Variants in GIGYF2 observed in about 807,000 individuals in gnomAD.
The protein encoded by GIGYF2 is GRB10 interacting GYF protein 2.
A neutral mutation model predicts 208.1 loss-of-function variants in GIGYF2; 25 were observed. The ratio of observed to expected loss-of-function variants is 0.12; its 90% CI spans 0.09 to 0.17. The LOEUF (loss-of-function observed/expected upper bound fraction) is 0.17, where lower values mean the gene tolerates loss of function less well. Ranked by LOEUF, GIGYF2 falls within the 10% of genes least tolerant of loss-of-function variation. The probability of loss-of-function intolerance (pLI) is 1.00; values close to 1 mark genes in which losing one functional copy is unlikely to be tolerated. For missense variants in GIGYF2, 1,302 were observed against 1,579.4 expected, an observed-to-expected ratio of 0.82 and a Z score of 2.98; for synonymous variants, 534 against 543.8, an observed-to-expected ratio of 0.98 and a Z score of 0.25.
intron 3 of GIGYF2, among the ~76,000 whole-genome samples, chr2:232,743,624 C>T (rs962841295): frequency 1.3e-5 from 2 of 152,126 alleles, no homozygotes; most frequent in African/African-American, 4.8e-5. Flanking sequence ...CATGAGTTCT[C>T]AGGTGGATTT....
chr2:232,753,802 C>G (rs1425634268), intron 5 of GIGYF2, among the ~76,000 whole-genome samples: 5 of 152,108 alleles, frequency 3.3e-5, no homozygotes, highest in Admixed American at 2.0e-4. Flanking sequence ...TACAAGTATG[C>G]TCCATGTCTC....
chr2:232,818,332 G>A (rs1700975980), intron 20 of GIGYF2, among the ~76,000 whole-genome samples: 1 of 152,132 alleles, frequency 6.6e-6, no homozygotes. Context: ...CCACAATATA[G>A]CTGAGCAGAA....
chr2:232,846,724 T>C (rs995890044), intron 26 of GIGYF2, among the ~76,000 whole-genome samples: 1 of 152,258 alleles, frequency 6.6e-6, no homozygotes, highest in South Asian at 2.1e-4. Flanking sequence ...GTTATTTGAT[T>C]AGCAGTGATT....
chr2:232,737,862 T>G (rs1376443989), intron 3 of GIGYF2, among the ~76,000 whole-genome samples: 1 of 151,872 alleles, frequency 6.6e-6, no homozygotes, highest in African/African-American at 2.4e-5. Context: ...GGGAGAAAAT[T>G]GAAAATTTTG....
At chr2:232,783,578 T>C (rs1699791187) in intron 8 of GIGYF2, among the ~76,000 whole-genome samples, 1 of 152,218 alleles carries the variant, frequency 6.6e-6, no homozygotes, top group South Asian at 2.1e-4. Flanking sequence ...TTTTGAACAA[T>C]ACTTGTTCAG....
chr2:232,779,717 T>C (rs1262246038), intron 8 of GIGYF2, among the ~76,000 whole-genome samples: 2 of 152,226 alleles, frequency 1.3e-5, no homozygotes, highest in East Asian at 3.8e-4. Context: ...GAGATTCTGA[T>C]ACACTGCAGT....
chr2:232,762,226 CTTT>C lies in GIGYF2; in HGVS notation c.532+799_532+801del, dbSNP rs536168638. Among the ~76,000 whole-genome samples the C allele has an allele frequency of 6.5e-5, 6 of 92,888 alleles. No individual in the cohort carries two copies. In the East Asian group the frequency reaches 1.9e-3, roughly 29 times the overall value. 60.9% of individuals were successfully genotyped at this position (92,888 alleles called of 152,430 possible). Reference sequence around the variant, plus strand: ...TTATAACTGATAGTGTTAATCATGTCTTTTTTTTTTTGTTTTTTTTTTTGTTTT... The same window carrying C: ...TTATAACTGATAGTGTTAATCATGTCTTTTTTTTGTTTTTTTTTTTGTTTT... On this transcript the variant is annotated intron_variant, in intron 8 of 28. Transcript: ENST00000373563.
Position 232,844,362 on chromosome 2 carries a change from T to G in GIGYF2, c.3100-7T>G, listed in dbSNP as rs1355713647. On this transcript the variant is annotated splice_polypyrimidine_tract_variant and splice_region_variant and intron_variant, in intron 24 of 28. Transcript: ENST00000373563. ...ACGATAATCATTTTTCTCTTTTTCT[T>G]TAACAGCATTCCAACCTGCACACCA... 6.2e-7 allele frequency: 1 copy of G among 1,613,494 alleles called. No homozygotes were observed. Among genetic ancestry groups the G allele is most frequent in the Admixed American group, 1.7e-5 (1 of 60,032 alleles).
At chr2:232,765,253 C>T (rs1698908379) in intron 8 of GIGYF2, 1 of 152,138 alleles carries the variant, frequency 6.6e-6, no homozygotes. Context: ...ATCTTACACT[C>T]TCCAAGAGTA....
intron 9 of GIGYF2, among the ~76,000 whole-genome samples, chr2:232,788,897 T>C (rs1012836723): frequency 2.0e-5 from 3 of 152,126 alleles, no homozygotes; most frequent in Admixed American, 1.3e-4. Context: ...CCCCCAAATA[T>C]AAAGTTTGGG....
chr2:232,850,631 A>G (rs1359697294), intron 28 of GIGYF2, among the ~76,000 whole-genome samples: 2 of 152,202 alleles, frequency 1.3e-5, no homozygotes. Context: ...ATGGTGCTTT[A>G]AAGTATTGTT....
chr2:232,729,010 G>T (rs977071353), intron 2 of GIGYF2, among the ~76,000 whole-genome samples: 1 of 151,270 alleles, frequency 6.6e-6, no homozygotes, highest in Admixed American at 6.6e-5. Flanking sequence ...ACTGGGTCTG[G>T]CTCTGTTGCC....
At chr2:232,720,065 G>C (rs529322242) in intron 2 of GIGYF2, among the ~76,000 whole-genome samples, 1 of 152,248 alleles carries the variant, frequency 6.6e-6, no homozygotes, top group South Asian at 2.1e-4. Context: ...ATTTACATTA[G>C]GTATTTCTCC....
rs779533933 is a variant in GIGYF2, at chr2:232,776,504, C to G, written c.533-10646C>G. 27 of 1,340,140 alleles carry G rather than the reference C, an allele frequency of 2.0e-5. No individual in the cohort carries two copies. In the African/African-American group the frequency reaches 3.8e-4, roughly 19 times the overall value. The allele number at this position is 1,340,140 out of a possible 1,614,324, so 83.0% of individuals were successfully genotyped here. ...TAGGTCTTAAGGAAATTTACAGAGT[C>G]TGCCTTTTTGATCAGATAATTTTAA... On this transcript the variant is annotated intron_variant, in intron 8 of 28. Coordinates refer to ENST00000373563, the MANE Select transcript of GIGYF2 (RefSeq NM_001103146.3).
At chr2:232,750,977 A>G (rs887629155) in intron 5 of GIGYF2, among the ~76,000 whole-genome samples, 2 of 151,996 alleles carry the variant, frequency 1.3e-5, no homozygotes, top group Non-Finnish European at 2.9e-5. Context: ...GTACAGGTGC[A>G]TGCCACTGCA....
chr2:232,817,077 G>A (rs1232524254), intron 20 of GIGYF2, 45 bp downstream of exon 20: 1 of 1,368,862 alleles, frequency 7.3e-7, no homozygotes, highest in Non-Finnish European at 1.0e-6. Context: ...GCTTGATGAG[G>A]GCTTTCAGGC....
chr2:232,740,798 G>T (rs1697942188), intron 3 of GIGYF2, among the ~76,000 whole-genome samples: 1 of 152,000 alleles, frequency 6.6e-6, no homozygotes, highest in African/African-American at 2.4e-5. Flanking sequence ...TGTGAAAAAG[G>T]AGAGAAGTTC....
At chr2:232,828,134 T>A (rs1017093899) in intron 21 of GIGYF2, among the ~76,000 whole-genome samples, 2 of 152,088 alleles carry the variant, frequency 1.3e-5, no homozygotes, top group African/African-American at 2.4e-5. Flanking sequence ...GGACCACAGA[T>A]GTGTGCTACC....
chr2:232,751,746 A>G lies in GIGYF2; in HGVS notation c.267+2664A>G, dbSNP rs889205157. On this transcript the variant is annotated intron_variant, in intron 5 of 28. Coordinates refer to ENST00000373563, the MANE Select transcript of GIGYF2 (RefSeq NM_001103146.3). The stretch of plus-strand genomic sequence containing the variant: ...GGTAGACTTTTATTCAACAGAATGA[A>G]TAATTGAATTACCCAGAAACATCTT... Among the ~76,000 whole-genome samples the G allele has an allele frequency of 6.6e-5, 10 of 152,356 alleles. No individual in the cohort carries two copies. The East Asian group carries it at 1.9e-3, about 29-fold the overall frequency.
Sources: gnomAD v4.1 joint callset for allele counts (sites outside exome capture counted in the v4.1 genomes callset) on GRCh38, gnomAD v4.1.1 for gene constraint, MANE v1.5 for transcripts, NCBI Gene and HGNC (gene_info 2026-07-23, HGNC 2026-07-21) for gene names.